The following EFCAB6 variants were observed in gnomAD, a reference collection of about 807,000 sequenced individuals.
EFCAB6 encodes EF-hand calcium binding domain 6.
In EFCAB6, 156 loss-of-function variants were observed where a neutral mutation model predicts 169.8. The observed-to-expected ratio is 0.92, with a 90% CI of 0.81 to 1.05. The LOEUF is 1.05. EFCAB6 is among the 50% of genes least tolerant of loss of function. The pLI is 0.00. For missense variants in EFCAB6, 1,800 were observed against 1,829.1 expected, an observed-to-expected ratio of 0.98 and a Z score of 0.29; for synonymous variants, 698 against 676.4, an observed-to-expected ratio of 1.03 and a Z score of -0.50.
chr22:43,550,282 C>T (rs781777226), intron 27 of EFCAB6, among the ~76,000 whole-genome samples: 5 of 152,136 alleles, frequency 3.3e-5, no homozygotes, highest in Admixed American at 6.5e-5. Flanking sequence ...AGCAGAAGCA[C>T]GACTGAAACC....
At chr22:43,580,744 G>T in intron 24 of EFCAB6, 85 bp from the exon 25 acceptor site, 1 of 1,388,932 alleles carries the variant, frequency 7.2e-7, no homozygotes, top group African/African-American at 1.4e-5. Context: ...GAGCACATTG[G>T]GCAATGTGGG....
At chr22:43,560,750 C>T (rs2048978594) in intron 26 of EFCAB6, among the ~76,000 whole-genome samples, 1 of 152,190 alleles carries the variant, frequency 6.6e-6, no homozygotes, top group Non-Finnish European at 1.5e-5. Flanking sequence ...CCGAGAAATG[C>T]CTGAAGTCAC....
intron 27 of EFCAB6, among the ~76,000 whole-genome samples, chr22:43,549,771 G>C (rs2048280904): frequency 6.6e-6 from 1 of 152,186 alleles, no homozygotes; most frequent in Non-Finnish European, 1.5e-5. Flanking sequence ...ATAAAAACTT[G>C]CTAACTGAAT....
Position 43,576,424 on chromosome 22 carries a change from A to C in EFCAB6, c.3293T>G (p.Leu1098Arg), listed in dbSNP as rs180763796. ...CGTTAGTTTGTAACAGAAATCCTTA[A>C]GAACTTGTCCGAATTCTGTAGCCTT... is the stretch of plus-strand genomic sequence containing the variant. ...FVKATEFGQV[L>R]KDFCYKLTDN... is the part of the protein sequence containing the mutation. The change falls in exon 26 of 32, where the codon CTT (leucine) becomes CGT (arginine). Residue 1098 changes from leucine to arginine, a missense_variant. By Grantham distance (102) the Leu-to-Arg change is moderately radical. Transcript: ENST00000262726. The C allele has an allele frequency of 1.9e-5, 30 of 1,604,372 alleles. No individual in the cohort carries two copies. The East Asian group carries it at 6.8e-4, about 36-fold the overall frequency.
chr22:43,732,765 C>A (rs780405834), intron 7 of EFCAB6, among the ~76,000 whole-genome samples: 4 of 152,032 alleles, frequency 2.6e-5, no homozygotes, highest in Non-Finnish European at 5.9e-5. Context: ...CTGTGCCCAG[C>A]CGAGATAACC....
intron 26 of EFCAB6, among the ~76,000 whole-genome samples, chr22:43,565,568 C>G (rs1012125931): frequency 4.6e-5 from 7 of 152,204 alleles, no homozygotes; most frequent in African/African-American, 1.7e-4. Flanking sequence ...GTCACCCACC[C>G]TAGAACAACA....
chr22:43,630,888 C>A (rs768774322), intron 19 of EFCAB6, among the ~76,000 whole-genome samples: 6 of 150,632 alleles, frequency 4.0e-5, no homozygotes, highest in African/African-American at 7.5e-5. Flanking sequence ...ATGCATATGG[C>A]GATCATATTT....
intron 23 of EFCAB6, among the ~76,000 whole-genome samples, chr22:43,596,150 G>A (rs1385731507): frequency 2.6e-5 from 4 of 151,924 alleles, no homozygotes; most frequent in African/African-American, 9.7e-5. Context: ...ATACTAACCA[G>A]GGAAAAGTTG....
intron 15 of EFCAB6, among the ~76,000 whole-genome samples, chr22:43,670,176 C>T (rs1176141620): frequency 5.9e-5 from 9 of 152,100 alleles, no homozygotes; most frequent in African/African-American, 2.2e-4. Context: ...TTTGAAACTC[C>T]AAAGTTTTCC....
intron 23 of EFCAB6, among the ~76,000 whole-genome samples, chr22:43,592,528 T>C (rs146983304): frequency 2.6e-5 from 4 of 152,352 alleles, no homozygotes; most frequent in Non-Finnish European, 4.4e-5. Flanking sequence ...TAGGCAGTAA[T>C]TATTTCCCTT....
intron 17 of EFCAB6, among the ~76,000 whole-genome samples, chr22:43,644,073 C>T (rs1412219373): frequency 6.6e-6 from 1 of 152,098 alleles, no homozygotes; most frequent in Non-Finnish European, 1.5e-5. Flanking sequence ...ATCCACCTGC[C>T]TCGGCCTCCC....
At chr22:43,606,370 T>C (rs974529695) in intron 22 of EFCAB6, among the ~76,000 whole-genome samples, 28 of 152,354 alleles carry the variant, frequency 1.8e-4, no homozygotes, top group African/African-American at 5.8e-4. Flanking sequence ...TCCTCAGCCC[T>C]GCAAACCTCT....
rs746848150 is a variant in EFCAB6, at chr22:43,683,856, C to T, written c.1143-1G>A. ...GTGAGATTCATTTCTAGAGTTGATG[C>T]TACAAGAGGATTAGGAGAAAAGCAG... On this transcript the variant is annotated splice_acceptor_variant, in intron 11 of 31. Transcript: ENST00000262726. LOFTEE classifies it high-confidence loss of function. 4 of 1,598,954 alleles carry T rather than the reference C, an allele frequency of 2.5e-6. No homozygotes were observed. Among genetic ancestry groups the T allele is most frequent in the Non-Finnish European group, 3.4e-6 (4 of 1,166,532 alleles).
intron 11 of EFCAB6, 113 bp downstream of exon 11, chr22:43,687,358 G>A (rs989461474): frequency 2.4e-5 from 16 of 666,138 alleles, no homozygotes; most frequent in Non-Finnish European, 3.6e-5. Flanking sequence ...TTATTCAATG[G>A]AGACTAATCG....
At chr22:43,567,189 C>G (rs958310451) in intron 26 of EFCAB6, among the ~76,000 whole-genome samples, 19 of 152,130 alleles carry the variant, frequency 1.2e-4, no homozygotes, top group African/African-American at 4.6e-4. Context: ...ATGCCCTCCT[C>G]AGCCATACAG....
intron 6 of EFCAB6, among the ~76,000 whole-genome samples, chr22:43,738,866 G>C (rs1026807405): frequency 6.6e-6 from 1 of 152,134 alleles, no homozygotes; most frequent in Non-Finnish European, 1.5e-5. Flanking sequence ...CCCCACATGA[G>C]ACAGGTGCCT....
intron 21 of EFCAB6, 72 bp from the exon 22 acceptor site, chr22:43,608,672 G>T: frequency 7.0e-7 from 1 of 1,426,934 alleles, no homozygotes; most frequent in Non-Finnish European, 9.9e-7. Context: ...TGTTCAATTA[G>T]TCAATATGTG....
At chr22:43,771,664 A>G (rs1286029389) in intron 4 of EFCAB6, among the ~76,000 whole-genome samples, 6 of 152,050 alleles carry the variant, frequency 3.9e-5, no homozygotes, top group Non-Finnish European at 7.4e-5. Flanking sequence ...CCAAGGATAC[A>G]GTCCACAGAT....
At chr22:43,589,280 CAAAAAAAAAAAAAAA>C (rs1163346832) in intron 24 of EFCAB6, among the ~76,000 whole-genome samples, 6 of 80,956 alleles carry the variant, frequency 7.4e-5, no homozygotes, top group South Asian at 3.9e-4. Context: ...GACTTCATGT[CAAAAAAAAAAAAAAA>C]AAAAAAAAAA....
Sources: allele counts gnomAD v4.1 joint callset (sites outside exome capture counted in the v4.1 genomes callset), GRCh38; gene constraint gnomAD v4.1.1; transcripts MANE v1.5; gene names NCBI Gene and HGNC (gene_info 2026-07-23, HGNC 2026-07-21).